Variants in KSR2 observed in about 807,000 individuals in gnomAD.
KSR2 encodes the protein kinase suppressor of ras 2.
Under a neutral mutation model 107.8 loss-of-function variants are expected in KSR2, and 25 were observed. The observed-to-expected ratio is 0.23, with a 90% CI of 0.17 to 0.32. The LOEUF is 0.32. Among genes scored for constraint, KSR2 ranks in the 10% least tolerant of loss-of-function variants. The probability of loss-of-function intolerance (pLI) is 1.00; values close to 1 mark genes in which losing one functional copy is unlikely to be tolerated. For missense variants in KSR2, 887 were observed against 1,268.9 expected (o/e 0.70, Z 4.57); for synonymous variants, 480 against 507.0 (o/e 0.95, Z 0.71).
chr12:117,820,667 G>A (rs967558617), intron 3 of KSR2, among the ~76,000 whole-genome samples: 1 of 151,692 alleles, frequency 6.6e-6, no homozygotes, highest in African/African-American at 2.4e-5. Flanking sequence ...CAAAGACAAA[G>A]AACCTCCCTC....
chr12:117,656,991 T>TAGG (rs1565947195), intron 5 of KSR2, among the ~76,000 whole-genome samples: 10 of 107,266 alleles, frequency 9.3e-5, no homozygotes, highest in Middle Eastern at 8.9e-3. Context: ...GATATATATA[T>TAGG]ATATATATAT....
At chr12:117,484,291 C>T in intron 16 of KSR2, 125 bp downstream of exon 16, 1 of 1,050,448 alleles carries the variant, frequency 9.5e-7, no homozygotes, top group South Asian at 1.6e-5. Flanking sequence ...GAGCAGCTGC[C>T]CCACTCAGCT....
intron 3 of KSR2, among the ~76,000 whole-genome samples, chr12:117,773,745 A>G (rs1168714785): frequency 6.6e-6 from 1 of 152,230 alleles, no homozygotes; most frequent in East Asian, 1.9e-4. Flanking sequence ...TTTGGTTTAA[A>G]TCCTCATAAC....
At chr12:117,836,693 C>T (rs1566040230) in intron 3 of KSR2, among the ~76,000 whole-genome samples, 2 of 152,204 alleles carry the variant, frequency 1.3e-5, no homozygotes, top group South Asian at 4.1e-4. Context: ...CCGGGAGGCC[C>T]AGCCCCTTGC....
chr12:117,952,197 A>G (rs1234880009), intron 1 of KSR2, among the ~76,000 whole-genome samples: 1 of 152,048 alleles, frequency 6.6e-6, no homozygotes, highest in Non-Finnish European at 1.5e-5. Flanking sequence ...ACACATACAC[A>G]TACACACCCA....
In KSR2 at chr12:117,872,868, T is replaced by C. The variant is rs542057354; in HGVS notation, c.181-12437A>G. ...AAGGGCTGTGGGCTCATTTGTACAATAGGCTCATTTTCCAAGCAGCTTCCA... is the reference window on the plus strand; with the variant it reads ...AAGGGCTGTGGGCTCATTTGTACAACAGGCTCATTTTCCAAGCAGCTTCCA... On this transcript the variant is annotated intron_variant, in intron 1 of 19. Coordinates refer to ENST00000339824, the MANE Select transcript of KSR2 (RefSeq NM_173598.6). Among the ~76,000 whole-genome samples the C allele has an allele frequency of 4.3e-4, 66 of 152,228 alleles. 1 individual carries two copies. The South Asian group carries it at 0.013, about 30-fold the overall frequency.
intron 5 of KSR2, among the ~76,000 whole-genome samples, chr12:117,599,570 G>A (rs999903176): frequency 6.6e-6 from 1 of 152,082 alleles, no homozygotes; most frequent in Non-Finnish European, 1.5e-5. Flanking sequence ...TCTGGTGGGG[G>A]CTGTCCTGTG....
chr12:117,857,401 G>A (rs1893139640), intron 2 of KSR2, among the ~76,000 whole-genome samples: 1 of 152,092 alleles, frequency 6.6e-6, no homozygotes, highest in Admixed American at 6.5e-5. Context: ...TGAAGGGGGT[G>A]ATTCATAACA....
At chr12:117,910,560 T>C (rs1894980872) in intron 1 of KSR2, among the ~76,000 whole-genome samples, 1 of 152,212 alleles carries the variant, frequency 6.6e-6, no homozygotes, top group African/African-American at 2.4e-5. Flanking sequence ...CATGGCACTA[T>C]TTTTTATTTT....
intron 5 of KSR2, among the ~76,000 whole-genome samples, chr12:117,608,387 C>T (rs979467164): frequency 9.2e-5 from 14 of 152,232 alleles, no homozygotes; most frequent in African/African-American, 3.4e-4. Context: ...ATTTTATCGT[C>T]ACCTCCAGAC....
chr12:117,833,616 A>G (rs1892069335), intron 3 of KSR2, among the ~76,000 whole-genome samples: 1 of 152,080 alleles, frequency 6.6e-6, no homozygotes, highest in Admixed American at 6.6e-5. Context: ...CCTGTCACTC[A>G]AGCAAGCCTC....
At chr12:117,528,121 C>T (rs1022699422) in intron 12 of KSR2, among the ~76,000 whole-genome samples, 1 of 151,918 alleles carries the variant, frequency 6.6e-6, no homozygotes, top group Non-Finnish European at 1.5e-5. Context: ...GTGCTTTGTG[C>T]AGGGTTGTCT....
chr12:117,641,369 GT>G (rs1226449033), intron 5 of KSR2, among the ~76,000 whole-genome samples: 1 of 152,124 alleles, frequency 6.6e-6, no homozygotes, highest in Non-Finnish European at 1.5e-5. Context: ...AAGGTTAGAA[GT>G]TTTTATTTTT....
chr12:117,816,412 C>A (rs1433676162), intron 3 of KSR2, among the ~76,000 whole-genome samples: 1 of 152,164 alleles, frequency 6.6e-6, no homozygotes, highest in African/African-American at 2.4e-5. Context: ...CCCTCTGTGT[C>A]CTGTCCCAAT....
chr12:117,689,363 C>A (rs1427664627), intron 4 of KSR2, among the ~76,000 whole-genome samples: 1 of 152,112 alleles, frequency 6.6e-6, no homozygotes, highest in Admixed American at 6.6e-5. Flanking sequence ...TATTATAGAA[C>A]ACTATTCAGT....
intron 3 of KSR2, among the ~76,000 whole-genome samples, chr12:117,784,580 G>T (rs1889998070): frequency 6.6e-6 from 1 of 152,092 alleles, no homozygotes; most frequent in African/African-American, 2.4e-5. Context: ...CCCATCTAGT[G>T]GTCCCCAGTG....
At chr12:117,767,034 C>T (rs1233729208) in intron 3 of KSR2, among the ~76,000 whole-genome samples, 3 of 151,542 alleles carry the variant, frequency 2.0e-5, no homozygotes, top group East Asian at 2.0e-4. Context: ...ACAGTGGCCT[C>T]GTGATCCACC....
intron 14 of KSR2, among the ~76,000 whole-genome samples, chr12:117,489,548 C>CA (rs11358177): frequency 0.062 from 5,347 of 86,914 alleles, 256 homozygotes; most frequent in African/African-American, 0.14. Flanking sequence ...GACCCTGTCT[C>CA]AAAAAAAAAA....
intron 4 of KSR2, among the ~76,000 whole-genome samples, chr12:117,686,528 C>T (rs1283949375): frequency 6.6e-6 from 1 of 152,068 alleles, no homozygotes; most frequent in Non-Finnish European, 1.5e-5. Context: ...AAATATATCA[C>T]AGACTCCCTA....
Sources: gnomAD v4.1 joint callset for allele counts (sites outside exome capture counted in the v4.1 genomes callset) on GRCh38, gnomAD v4.1.1 for gene constraint, MANE v1.5 for transcripts, NCBI Gene and HGNC (gene_info 2026-07-23, HGNC 2026-07-21) for gene names.